DLG2: variants seen among roughly 807,000 people sequenced by gnomAD.
DLG2 encodes the protein discs large MAGUK scaffold protein 2, also known as disks large homolog 2.
DLG2 carries 45 observed loss-of-function variants against 132.5 expected under a neutral mutation model. That is an observed-to-expected ratio of 0.34 (90% CI 0.27 to 0.44). The LOEUF (loss-of-function observed/expected upper bound fraction) is 0.44, where lower values mean the gene tolerates loss of function less well. Among genes scored for constraint, DLG2 ranks in the 20% least tolerant of loss-of-function variants. DLG2 has a pLI of 1.00. For missense variants in DLG2, 1,045 were observed against 1,196.9 expected (o/e 0.87, Z 1.87); for synonymous variants, 424 against 419.6 (o/e 1.01, Z -0.13).
chr11:84,389,941 C>T (rs2098786280), intron 7 of DLG2, among the ~76,000 whole-genome samples: 1 of 152,134 alleles, frequency 6.6e-6, no homozygotes, highest in Non-Finnish European at 1.5e-5. Flanking sequence ...ATGCTAACAA[C>T]AGTTATTCCA....
intron 19 of DLG2, among the ~76,000 whole-genome samples, chr11:83,580,812 C>T (rs1382161252): frequency 2.9e-5 from 4 of 138,288 alleles, no homozygotes; most frequent in African/African-American, 5.5e-5. Context: ...TCCCCTGCCC[C>T]GCCAGGCTTC....
rs1047471664 is a variant in DLG2, at chr11:84,518,240, A to C, written c.519+16330T>G. Among the ~76,000 whole-genome samples, 6 of 148,430 alleles carry C rather than the reference A, an allele frequency of 4.0e-5. 1 individual carries two copies. The highest frequency in any genetic ancestry group is 1.5e-4 in the African/African-American group (6 of 40,076). On this transcript the variant is annotated intron_variant, in intron 7 of 27. Coordinates refer to ENST00000376104, the MANE Select transcript of DLG2 (RefSeq NM_001142699.3). ...AGTTTAATAGGCTACTACAGATATC[A>C]CACACTGATCTTTTTGCAATGAAGA...
intron 6 of DLG2, among the ~76,000 whole-genome samples, chr11:84,563,960 A>T (rs183761006): frequency 2.6e-5 from 4 of 152,320 alleles, no homozygotes; most frequent in Admixed American, 2.0e-4. Flanking sequence ...GATATTAATT[A>T]TATAGTGATT....
At chr11:85,347,911 C>G (rs1003304676) in intron 3 of DLG2, among the ~76,000 whole-genome samples, 1 of 146,600 alleles carries the variant, frequency 6.8e-6, no homozygotes, top group African/African-American at 2.6e-5. Context: ...TTAAGCAATC[C>G]GCTCACCTCA....
intron 6 of DLG2, among the ~76,000 whole-genome samples, chr11:84,738,113 T>C (rs946843980): frequency 2.0e-5 from 3 of 152,088 alleles, no homozygotes; most frequent in Non-Finnish European, 4.4e-5. Context: ...ATAGGTTGTG[T>C]TAAAGGCTCA....
At chr11:84,533,905 CAAAAAAAAAAAAAA>C (rs558597260) in intron 7 of DLG2, among the ~76,000 whole-genome samples, 83 of 70,280 alleles carry the variant, frequency 1.2e-3, no homozygotes, top group South Asian at 9.8e-3. Context: ...CCAGTTCAGC[CAAAAAAAAAAAAAA>C]AAAAAAAAAA....
chr11:85,067,417 G>T (rs186004418), intron 6 of DLG2, among the ~76,000 whole-genome samples: 3 of 151,914 alleles, frequency 2.0e-5, no homozygotes, highest in African/African-American at 4.8e-5. Context: ...TGCTTCTCTA[G>T]TTCTTTTAAT....
intron 6 of DLG2, among the ~76,000 whole-genome samples, chr11:84,803,302 T>A (rs1467218531): frequency 2.0e-5 from 3 of 152,160 alleles, no homozygotes; most frequent in African/African-American, 7.2e-5. Flanking sequence ...CCAACAACCA[T>A]CCAATCAATT....
At chr11:84,645,703 G>A (rs1044005450) in intron 6 of DLG2, among the ~76,000 whole-genome samples, 2 of 152,144 alleles carry the variant, frequency 1.3e-5, no homozygotes, top group Non-Finnish European at 2.9e-5. Flanking sequence ...TCCTGACCTC[G>A]TGATCCGCCA....
intron 18 of DLG2, among the ~76,000 whole-genome samples, chr11:83,733,622 G>A (rs1212533261): frequency 6.6e-6 from 1 of 152,194 alleles, no homozygotes; most frequent in African/African-American, 2.4e-5. Flanking sequence ...TTGGAGGACT[G>A]AGACTTACTC....
chr11:84,406,168 A>C (rs757624891), intron 7 of DLG2, among the ~76,000 whole-genome samples: 28 of 152,056 alleles, frequency 1.8e-4, no homozygotes, highest in Non-Finnish European at 3.8e-4. Flanking sequence ...CTGTCACCAC[A>C]CTTAACCCCT....
chr11:84,733,763 G>T (rs2063467441), intron 6 of DLG2, among the ~76,000 whole-genome samples: 2 of 152,216 alleles, frequency 1.3e-5, no homozygotes, highest in South Asian at 4.1e-4. Context: ...GGGTTTTTAT[G>T]GTTTTAGGTC....
chr11:85,582,384 A>C (rs756000671), intron 3 of DLG2, among the ~76,000 whole-genome samples: 46 of 152,120 alleles, frequency 3.0e-4, no homozygotes, highest in Non-Finnish European at 5.6e-4. Flanking sequence ...GATATAGCAT[A>C]AAACATAAGA....
intron 6 of DLG2, among the ~76,000 whole-genome samples, chr11:84,665,309 C>T (rs1018507950): frequency 6.6e-6 from 1 of 152,062 alleles, no homozygotes; most frequent in Non-Finnish European, 1.5e-5. Context: ...TCCCATTTTA[C>T]AGATGAGGGA....
chr11:85,143,235 G>A (rs970409284), intron 5 of DLG2, among the ~76,000 whole-genome samples: 1 of 151,484 alleles, frequency 6.6e-6, no homozygotes, highest in Non-Finnish European at 1.5e-5. Flanking sequence ...ACTTGTTATT[G>A]GTCTATTTTG....
intron 6 of DLG2, chr11:84,640,043 C>A: frequency 7.2e-6 from 2 of 278,886 alleles, no homozygotes; most frequent in South Asian, 4.9e-5. Flanking sequence ...AAAATGTCAA[C>A]GTTACTCTGA....
chr11:84,888,535 A>G (rs529307131), intron 6 of DLG2, among the ~76,000 whole-genome samples: 2 of 152,236 alleles, frequency 1.3e-5, no homozygotes, highest in South Asian at 4.2e-4. Flanking sequence ...CTTGGCCTCC[A>G]TAATCATGTG....
intron 3 of DLG2, among the ~76,000 whole-genome samples, chr11:85,408,518 G>T (rs1011952697): frequency 2.7e-5 from 4 of 149,462 alleles, no homozygotes; most frequent in Admixed American, 1.3e-4. Context: ...CTAGCATTAG[G>T]TATATCTCCC....
chr11:83,573,145 A>T (rs935696904), intron 19 of DLG2, among the ~76,000 whole-genome samples: 14 of 152,192 alleles, frequency 9.2e-5, no homozygotes, highest in African/African-American at 3.4e-4. Flanking sequence ...GGAGTAAAAA[A>T]TATGCCCGAT....
Sources: gnomAD v4.1 joint callset for allele counts (sites outside exome capture counted in the v4.1 genomes callset) on GRCh38, gnomAD v4.1.1 for gene constraint, MANE v1.5 for transcripts, NCBI Gene and HGNC (gene_info 2026-07-23, HGNC 2026-07-21) for gene names.